Variants in SASH1 observed in about 807,000 individuals in gnomAD.
SASH1 encodes SAM and SH3 domain-containing protein 1.
A neutral mutation model predicts 125.2 loss-of-function variants in SASH1; 44 were observed. The observed-to-expected ratio is 0.35, with a 90% confidence interval of 0.28 to 0.45. The LOEUF is 0.45. Among genes scored for constraint, SASH1 ranks in the 20% least tolerant of loss-of-function variants. The pLI, the probability that SASH1 is intolerant of heterozygous loss-of-function variation, is 1.00. For synonymous variants in SASH1, 639 were observed against 649.1 expected (o/e 0.98, Z 0.24); for missense variants, 1,426 against 1,614.5 (o/e 0.88, Z 2.00).
At chr6:148,447,781 C>T (rs558460099) in intron 4 of SASH1, among the ~76,000 whole-genome samples, 7 of 151,996 alleles carry the variant, frequency 4.6e-5, no homozygotes, top group Middle Eastern at 3.4e-3. Flanking sequence ...TGTGGTCTGC[C>T]ATCCACCTAC....
At position 148,362,940 on chromosome 6, in the gene SASH1, C is replaced by T. The variant is rs984376908; in HGVS notation, c.156+19717C>T. 2.6e-5 allele frequency among the ~76,000 whole-genome samples: 4 copies of T among 152,186 alleles called. 1 individual carries two copies. The East Asian group carries it at 7.7e-4, about 29-fold the overall frequency. ...TGTTTTCCTCTTTGAATCTCAACTG[C>T]TACCTATCCCAACTGCCACCCAGGA... On this transcript the variant is annotated intron_variant, in intron 1 of 19. Coordinates refer to ENST00000367467, the MANE Select transcript of SASH1 (RefSeq NM_015278.5).
intron 2 of SASH1, among the ~76,000 whole-genome samples, chr6:148,438,873 C>T (rs1776422859): frequency 6.6e-6 from 1 of 152,144 alleles, no homozygotes; most frequent in Non-Finnish European, 1.5e-5. Flanking sequence ...GAACACTCCC[C>T]CACAATCCTG....
intron 8 of SASH1, among the ~76,000 whole-genome samples, chr6:148,500,753 C>T (rs80243880): frequency 0.068 from 10,371 of 151,592 alleles, 461 homozygotes; most frequent in Non-Finnish European, 0.098. Context: ...TTGCTCTTGG[C>T]GCAATATTTT....
At chr6:148,414,370 G>A (rs1218437324) in intron 2 of SASH1, among the ~76,000 whole-genome samples, 1 of 152,022 alleles carries the variant, frequency 6.6e-6, no homozygotes, top group Non-Finnish European at 1.5e-5. Flanking sequence ...GGGCGAGGGT[G>A]AATGCAGGAA....
Position 148,297,779 on chromosome 6 carries a change from G to A in SASH1, n.74+25402G>A, listed in dbSNP as rs1450216681. On this transcript the variant is annotated intron_variant and non_coding_transcript_variant, in intron 1 of 3. Transcript: ENST00000367469. Reference sequence around the variant, plus strand: ...TGGGAGGCAGAGGTTGCAGTGAGCCGAGATCGTGCCACTGCCCTCCAGCCT... The same window carrying A: ...TGGGAGGCAGAGGTTGCAGTGAGCCAAGATCGTGCCACTGCCCTCCAGCCT... Among the ~76,000 whole-genome samples, 6 of 151,598 alleles carry A rather than the reference G, an allele frequency of 4.0e-5. No homozygotes were observed. In the East Asian group the frequency reaches 1.2e-3, roughly 30 times the overall value.
chr6:148,198,649 CAGGTCTT>C, the SASH1 span, among the ~76,000 whole-genome samples: 1 of 152,224 alleles, frequency 6.6e-6, no homozygotes, highest in Non-Finnish European at 1.5e-5. Context: ...TTTAGACTGA[CAGGTCTT>C]AGACAGGTTT....
At chr6:148,341,203 T>G (rs1488406265), upstream of SASH1, among the ~76,000 whole-genome samples, 1 of 151,864 alleles carries the variant, frequency 6.6e-6, no homozygotes, top group Non-Finnish European at 1.5e-5. Context: ...CAGGCTGGAG[T>G]GCAGCAGCAG....
At chr6:148,259,422 AG>A in the SASH1 span, among the ~76,000 whole-genome samples, 6 of 152,214 alleles carry the variant, frequency 3.9e-5, no homozygotes, top group African/African-American at 1.2e-4. Context: ...TTTCAAAGCA[AG>A]GGCAAAATGC....
intron 2 of SASH1, among the ~76,000 whole-genome samples, chr6:148,416,625 C>T (rs937311013): frequency 2.6e-5 from 4 of 152,168 alleles, no homozygotes; most frequent in Non-Finnish European, 4.4e-5. Context: ...AGAGGGGGCT[C>T]CTGCACACAC....
chr6:148,367,587 G>A (rs995364562), intron 1 of SASH1, among the ~76,000 whole-genome samples: 2 of 152,238 alleles, frequency 1.3e-5, no homozygotes, highest in Admixed American at 6.5e-5. Flanking sequence ...GGGTGAAGCA[G>A]GATGTGATGA....
At chr6:148,302,972 GTTTA>G (rs575347150) in intron 1 of SASH1, among the ~76,000 whole-genome samples, 1 of 151,562 alleles carries the variant, frequency 6.6e-6, no homozygotes, top group Non-Finnish European at 1.5e-5. Flanking sequence ...AAATTAGTTT[GTTTA>G]TTTATTTATT....
At position 148,544,186 on chromosome 6, in the gene SASH1, T is replaced by A. The variant is rs765532475; in HGVS notation, c.2716T>A (p.Leu906Met). ...QSKRFSEPQK[L>M]TTKKLEGSIA... ...CAAGAGATTTTCTGAACCTCAGAAATTGACAACTAAGAAACTGGAGGGCTC... is the reference window on the plus strand; with the variant it reads ...CAAGAGATTTTCTGAACCTCAGAAAATGACAACTAAGAAACTGGAGGGCTC... Residue 906 changes from leucine to methionine, a missense_variant, in exon 18 of 20, where the codon TTG becomes ATG. Physicochemically the swap from Leu to Met is conservative, Grantham distance 15 (BLOSUM62 2). Coordinates refer to ENST00000367467, the MANE Select transcript of SASH1 (RefSeq NM_015278.5). The surrounding 1 kb of genome is among the most constrained non-coding windows in gnomAD (Gnocchi z 6.4). 2.4e-5 allele frequency: 39 copies of A among 1,614,072 alleles called. No individual in the cohort carries two copies. Among genetic ancestry groups the A allele is most frequent in the Non-Finnish European group, 3.0e-5 (35 of 1,180,026 alleles).
intron 8 of SASH1, among the ~76,000 whole-genome samples, chr6:148,491,018 G>A (rs939093347): frequency 6.6e-6 from 1 of 152,142 alleles, no homozygotes; most frequent in Non-Finnish European, 1.5e-5. Flanking sequence ...GAGTCCAACT[G>A]TTCCTTGCTC....
intron 16 of SASH1, among the ~76,000 whole-genome samples, chr6:148,539,039 T>G (rs1465923580): frequency 6.6e-6 from 1 of 151,904 alleles, no homozygotes; most frequent in Non-Finnish European, 1.5e-5. Flanking sequence ...CCCTCGTGGC[T>G]TTCCACGTGA....
At chr6:148,296,194 C>A (rs546267337) in intron 1 of SASH1, among the ~76,000 whole-genome samples, 1 of 152,106 alleles carries the variant, frequency 6.6e-6, no homozygotes, top group African/African-American at 2.4e-5. Flanking sequence ...GGCGCTATCT[C>A]GGCTCACTGC....
intron 2 of SASH1, among the ~76,000 whole-genome samples, chr6:148,406,773 T>C (rs151330093): frequency 7.1e-6 from 1 of 141,736 alleles, no homozygotes; most frequent in East Asian, 2.1e-4. Context: ...AGAATCAGGC[T>C]CTCCAAGGGA....
the SASH1 span, among the ~76,000 whole-genome samples, chr6:148,200,384 A>G: frequency 2.6e-5 from 4 of 152,224 alleles, no homozygotes; most frequent in African/African-American, 7.2e-5. Context: ...GCTGCCTCCC[A>G]CAGACAGCAG....
intron 1 of SASH1, among the ~76,000 whole-genome samples, chr6:148,359,540 C>G (rs1163684107): frequency 6.6e-6 from 1 of 152,036 alleles, no homozygotes; most frequent in African/African-American, 2.4e-5. Context: ...GAAACTACTC[C>G]TGGTGAAGAT....
chr6:148,417,148 CT>C (rs1289851835), intron 2 of SASH1, among the ~76,000 whole-genome samples: 2 of 152,136 alleles, frequency 1.3e-5, no homozygotes, highest in African/African-American at 2.4e-5. Flanking sequence ...AGAACAAGGC[CT>C]TGCAAAGAAG....
Sources: allele counts gnomAD v4.1 joint callset (sites outside exome capture counted in the v4.1 genomes callset), GRCh38; gene constraint gnomAD v4.1.1; non-coding constraint Gnocchi (gnomAD v3.1); transcripts MANE v1.5; gene names NCBI Gene and HGNC (gene_info 2026-07-23, HGNC 2026-07-21).